TCERG1: variants seen among roughly 807,000 people sequenced by gnomAD.
The protein encoded by TCERG1 is transcription elongation regulator 1.
TCERG1 carries 37 observed loss-of-function variants against 144.7 expected under a neutral mutation model. The ratio of observed to expected loss-of-function variants is 0.26; its 90% CI spans 0.20 to 0.34. The LOEUF is 0.34. Ranked by LOEUF, TCERG1 falls within the 10% of genes least tolerant of loss-of-function variation. TCERG1 has a pLI of 1.00. For missense variants in TCERG1, 1,027 were observed against 1,380.7 expected, an observed-to-expected ratio of 0.74 and a Z score of 4.06; for synonymous variants, 492 against 458.2, an observed-to-expected ratio of 1.07 and a Z score of -0.94.
chr5:146,479,971 G>A (rs1765192839), intron 11 of TCERG1, 57 bp from the exon 12 acceptor site: 3 of 1,594,376 alleles, frequency 1.9e-6, no homozygotes, highest in Admixed American at 3.4e-5. Context: ...AAGTGTTCTG[G>A]TAGTGATTAG....
At position 146,510,599 on chromosome 5, in the gene TCERG1, C is replaced by T; in HGVS notation, c.3305C>T (p.Pro1102Leu). 1 of 1,614,144 alleles carries T rather than the reference C, an allele frequency of 6.2e-7. No individual in the cohort carries two copies. The highest frequency in any genetic ancestry group is 8.5e-7 in the Non-Finnish European group (1 of 1,180,032). The change falls in exon 23 of 23, where the codon CCA (proline) becomes CTA (leucine). Residue 1102 changes from proline to leucine, a missense_variant. Pro to Leu is a moderately conservative substitution (Grantham distance 98). This residue lies in a region of TCERG1 where 133 missense variants were observed against 283.2 expected (regional missense o/e 0.47). Transcript: ENST00000679501. ...GACCTGGATCGCCGGGGTCCACCCC[C>T]ACCTCCCACAGCATCGGAGCCCACG... ...VDDLDRRGPP[P>L]PPTASEPTRR...
intron 9 of TCERG1, among the ~76,000 whole-genome samples, chr5:146,473,007 C>G (rs994224000): frequency 3.3e-5 from 5 of 151,982 alleles, no homozygotes; most frequent in Admixed American, 6.6e-5. Flanking sequence ...GCCACCATGC[C>G]CAGCTACATA....
chr5:146,478,222 C>G (rs1765029631), intron 9 of TCERG1, among the ~76,000 whole-genome samples: 1 of 152,120 alleles, frequency 6.6e-6, no homozygotes, highest in African/African-American at 2.4e-5. Context: ...ATTGAGTGTG[C>G]CAAACCAAAT....
At chr5:146,501,408 GT>G (rs1318445083) in intron 17 of TCERG1, among the ~76,000 whole-genome samples, 5 of 152,134 alleles carry the variant, frequency 3.3e-5, no homozygotes, top group African/African-American at 9.7e-5. Context: ...GGAAGTTAAA[GT>G]TTAATTTTAT....
intron 1 of TCERG1, among the ~76,000 whole-genome samples, chr5:146,448,954 C>A (rs1561623396): frequency 6.6e-6 from 1 of 152,140 alleles, no homozygotes; most frequent in Non-Finnish European, 1.5e-5. Flanking sequence ...TATTAATAGT[C>A]TAGACACTGT....
intron 15 of TCERG1, among the ~76,000 whole-genome samples, chr5:146,491,765 A>G (rs10062283): frequency 0.24 from 37,260 of 152,082 alleles, 5,680 homozygotes; most frequent in East Asian, 0.84. Flanking sequence ...TAAGAGTCAG[A>G]TAATTTGTAT....
rs1768137504 is a variant in TCERG1, at chr5:146,507,803, A to G, written c.2962-70A>G. The G allele has an allele frequency of 5.1e-6, 5 of 972,826 alleles. No individual in the cohort carries two copies. In the East Asian group the frequency reaches 1.0e-4, roughly 20 times the overall value. 60.3% of individuals were successfully genotyped at this position (972,826 alleles called of 1,614,324 possible). On this transcript the variant is annotated intron_variant, in intron 20 of 22. Transcript: ENST00000679501. The surrounding 1 kb of genome is among the most constrained non-coding windows in gnomAD (Gnocchi z 4.6). ...GGTCAGTGTGTAATATTATGTACCT[A>G]TGTGCTGCAGTTTGACTCCCTAAGT...
intron 15 of TCERG1, among the ~76,000 whole-genome samples, chr5:146,489,912 T>C (rs183261182): frequency 9.2e-5 from 14 of 152,284 alleles, no homozygotes; most frequent in African/African-American, 3.4e-4. Flanking sequence ...ACACAACCCC[T>C]AATTTTCTAT....
chr5:146,507,800 C>T lies in TCERG1; in HGVS notation c.2962-73C>T. 5 of 975,050 alleles carry T rather than the reference C, an allele frequency of 5.1e-6. No homozygotes were observed. The East Asian group carries it at 7.7e-5, about 15-fold the overall frequency. 60.4% of individuals were successfully genotyped at this position (975,050 alleles called of 1,614,324 possible). ...GCAGGTCAGTGTGTAATATTATGTA[C>T]CTATGTGCTGCAGTTTGACTCCCTA... On this transcript the variant is annotated intron_variant, in intron 20 of 22. Coordinates refer to ENST00000679501, the MANE Select transcript of TCERG1 (RefSeq NM_001382548.1). The surrounding 1 kb of genome is among the most constrained non-coding windows in gnomAD (Gnocchi z 4.6).
intron 17 of TCERG1, among the ~76,000 whole-genome samples, chr5:146,500,146 C>T: frequency 6.6e-6 from 1 of 150,466 alleles, no homozygotes; most frequent in East Asian, 1.9e-4. Flanking sequence ...CTTTAAATTA[C>T]AGGGTTGGCT....
At chr5:146,508,751 T>C (rs1768214007) in intron 21 of TCERG1, among the ~76,000 whole-genome samples, 1 of 152,214 alleles carries the variant, frequency 6.6e-6, no homozygotes, top group Non-Finnish European at 1.5e-5. Context: ...AATTACTCTT[T>C]TTGTTCTTGA....
rs2150963906 is a variant in TCERG1, at chr5:146,511,666, G to C, written c.*1024G>C. ...TGAATATAATAATGCAGTATTTGCA[G>C]TATAAAAAGGAAGGAATTTGTAGAG... is the stretch of plus-strand genomic sequence containing the variant. On this transcript the variant is annotated 3_prime_UTR_variant, in exon 23 of 23. Coordinates refer to ENST00000679501, the MANE Select transcript of TCERG1 (RefSeq NM_001382548.1). 6.5e-6 allele frequency: 1 copy of C among 152,708 alleles called. No homozygotes were observed. Among genetic ancestry groups the C allele is most frequent in the East Asian group, 1.9e-4 (1 of 5,188 alleles). The allele number at this position is 152,708 out of a possible 1,614,324, so 9.5% of individuals were successfully genotyped here.
At chr5:146,474,519 T>TG (rs1764647194) in intron 9 of TCERG1, among the ~76,000 whole-genome samples, 2 of 152,224 alleles carry the variant, frequency 1.3e-5, no homozygotes, top group South Asian at 4.1e-4. Flanking sequence ...TTTTGATTGA[T>TG]GCCAAACTTT....
chr5:146,471,638 A>G, intron 9 of TCERG1, 62 bp downstream of exon 9: 39 of 1,459,020 alleles, frequency 2.7e-5, no homozygotes, highest in Non-Finnish European at 3.7e-5. Context: ...TCACTCTGTC[A>G]CCAGGGCTGG....
rs1765445713 is a variant in TCERG1, at chr5:146,482,489, T to C, written c.1938-103T>C. The C allele has an allele frequency of 7.9e-6, 9 of 1,138,418 alleles. No individual in the cohort carries two copies. The East Asian group carries it at 2.5e-4, about 31-fold the overall frequency. The allele number at this position is 1,138,418 out of a possible 1,614,324, so 70.5% of individuals were successfully genotyped here. A position where few individuals can be genotyped will look rare whatever the true frequency, so the allele number is the denominator to read the frequency against. ...TAATTTGTTTTTGCCAAAAATATGC[T>C]GCTCAGTAGTGAGTCTTGAAAATTC... On this transcript the variant is annotated intron_variant, in intron 13 of 22. Transcript: ENST00000679501.
At chr5:146,452,643 G>T (rs901131298) in intron 1 of TCERG1, among the ~76,000 whole-genome samples, 1 of 152,178 alleles carries the variant, frequency 6.6e-6, no homozygotes. Flanking sequence ...AGGCTGGAGT[G>T]CAGTGGCACA....
chr5:146,476,366 C>T (rs1418938137), intron 9 of TCERG1, among the ~76,000 whole-genome samples: 1 of 152,134 alleles, frequency 6.6e-6, no homozygotes, highest in Non-Finnish European at 1.5e-5. Flanking sequence ...TACTCATTTG[C>T]TTTTCTCAGA....
intron 15 of TCERG1, among the ~76,000 whole-genome samples, chr5:146,484,939 CT>C (rs1765693357): frequency 1.3e-5 from 2 of 152,136 alleles, no homozygotes; most frequent in South Asian, 4.1e-4. Context: ...TAGTCAAGTT[CT>C]TTTTCCACAC....
At chr5:146,484,223 A>G (rs1354220670) in intron 15 of TCERG1, among the ~76,000 whole-genome samples, 2 of 152,178 alleles carry the variant, frequency 1.3e-5, no homozygotes, top group East Asian at 3.8e-4. Context: ...ATAAACTCAG[A>G]AAAACAGTGG....
Sources: gnomAD v4.1 joint callset for allele counts (sites outside exome capture counted in the v4.1 genomes callset) on GRCh38, gnomAD v4.1.1 for gene constraint, gnomAD v4.1.1 regional missense constraint, Gnocchi (gnomAD v3.1) non-coding constraint, MANE v1.5 for transcripts, NCBI Gene and HGNC (gene_info 2026-07-23, HGNC 2026-07-21) for gene names.